FKTN: variants seen among roughly 807,000 people sequenced by gnomAD.
The protein encoded by FKTN is ribitol-5-phosphate transferase FKTN.
A neutral mutation model predicts 58.6 loss-of-function variants in FKTN; 47 were observed. That is an observed-to-expected ratio of 0.80 (90% CI 0.63 to 1.02). The LOEUF (loss-of-function observed/expected upper bound fraction) is 1.02. FKTN is among the 50% of genes least tolerant of loss of function. The pLI is 0.00. For missense variants in FKTN, 516 were observed against 537.3 expected, an observed-to-expected ratio of 0.96 and a Z score of 0.39; for synonymous variants, 178 against 191.9, an observed-to-expected ratio of 0.93 and a Z score of 0.60.
chr9:105,591,499 G>T (rs957609252), intron 3 of FKTN, among the ~76,000 whole-genome samples: 3 of 152,196 alleles, frequency 2.0e-5, no homozygotes, highest in Non-Finnish European at 4.4e-5. Flanking sequence ...CCCAAAATTT[G>T]ACTCCATGTC....
intron 10 of FKTN, among the ~76,000 whole-genome samples, chr9:105,633,972 C>T (rs758142188): frequency 3.9e-5 from 6 of 152,140 alleles, no homozygotes; most frequent in Non-Finnish European, 8.8e-5. Context: ...GTTCTTCCCA[C>T]ACTGAAACAC....
rs907545314 is a variant in FKTN at position 105,640,436 on chromosome 9, C to G, written c.*5172C>G. The G allele has an allele frequency of 9.6e-6, 2 of 208,346 alleles. No individual in the cohort carries two copies. The highest frequency in any genetic ancestry group is 4.6e-5 in the African/African-American group (2 of 43,372). 12.9% of individuals were successfully genotyped at this position (208,346 alleles called of 1,614,324 possible). The stretch of plus-strand genomic sequence containing the variant: ...GGCATGGTGGTGCACGCCTATAGTC[C>G]CAGCTACACAGGAGGCTGAGGCAGG... On this transcript the variant is annotated 3_prime_UTR_variant, in exon 11 of 11. Transcript: ENST00000357998.
At position 105,640,874 on chromosome 9, in the gene FKTN, T is replaced by C. The variant is rs1834376356; in HGVS notation, c.*5610T>C. 1 of 152,232 alleles carries C rather than the reference T, an allele frequency of 6.6e-6. No homozygotes were observed. Among genetic ancestry groups the C allele is most frequent in the Admixed American group, 6.5e-5 (1 of 15,288 alleles). 9.4% of individuals were successfully genotyped at this position (152,232 alleles called of 1,614,324 possible). Reference sequence around the variant, plus strand: ...TCATATGTTTGTTAAATGAAAATCTTATGTAGCTATTTGTGTGTCCCTCCC... The same window carrying C: ...TCATATGTTTGTTAAATGAAAATCTCATGTAGCTATTTGTGTGTCCCTCCC... On this transcript the variant is annotated 3_prime_UTR_variant, in exon 11 of 11. Transcript: ENST00000357998.
At position 105,637,629 on chromosome 9, in the gene FKTN, A is replaced by C. The variant is rs1440444772; in HGVS notation, c.*2365A>C. 33 of 985,380 alleles carry C rather than the reference A, an allele frequency of 3.3e-5. No individual in the cohort carries two copies. The highest frequency in any genetic ancestry group is 4.7e-5 in the South Asian group (1 of 21,282). The allele number at this position is 985,380 out of a possible 1,614,324, so 61.0% of individuals were successfully genotyped here. ...TGGATCACTTTTCTTTCATCACTTG[A>C]GTATTCTAGCAGTCATTCTCCTAAT... On this transcript the variant is annotated 3_prime_UTR_variant, in exon 11 of 11. Coordinates refer to ENST00000357998, the MANE Select transcript of FKTN (RefSeq NM_001079802.2).
rs567857410 is a variant in FKTN, at chr9:105,589,489, G to A, written c.106-7109G>A. On this transcript the variant is annotated intron_variant, in intron 3 of 10. Transcript: ENST00000357998. ...TGCACTCCAGCCTGGGTGACAGAAT[G>A]AGACTCCATCTCAAAAAAAAACTGG... is the stretch of plus-strand genomic sequence containing the variant. 9.1e-4 allele frequency among the ~76,000 whole-genome samples: 137 copies of A among 150,004 alleles called. 3 individuals are homozygous for A. The highest frequency in any genetic ancestry group is 3.3e-4 in the Admixed American group (5 of 15,072).
At chr9:105,600,439 C>T (rs1827668703) in intron 4 of FKTN, among the ~76,000 whole-genome samples, 1 of 152,094 alleles carries the variant, frequency 6.6e-6, no homozygotes, top group East Asian at 1.9e-4. Context: ...TTTATCCTTG[C>T]TGTTCTTAGA....
At chr9:105,632,574 G>C (rs1192951847) in intron 10 of FKTN, among the ~76,000 whole-genome samples, 1 of 151,932 alleles carries the variant, frequency 6.6e-6, no homozygotes, top group African/African-American at 2.4e-5. Flanking sequence ...TCATTTAGCA[G>C]TTGTATTCAT....
At chr9:105,617,854 C>T in intron 8 of FKTN, 105 bp from the exon 9 acceptor site, 1 of 779,484 alleles carries the variant, frequency 1.3e-6, no homozygotes, top group East Asian at 2.7e-5. Context: ...GACTCTGTCT[C>T]TTTAAAAAAA....
chr9:105,568,976 C>T (rs903965692), intron 1 of FKTN, among the ~76,000 whole-genome samples: 6 of 152,162 alleles, frequency 3.9e-5, no homozygotes, highest in African/African-American at 1.4e-4. Context: ...AGGATGAGTT[C>T]ATGTCCTTTG....
At chr9:105,605,648 A>G (rs112561295) in intron 6 of FKTN, among the ~76,000 whole-genome samples, 4 of 152,262 alleles carry the variant, frequency 2.6e-5, no homozygotes, top group African/African-American at 9.6e-5. Context: ...CAGAAAGACA[A>G]ACTTTCCATG....
intron 3 of FKTN, among the ~76,000 whole-genome samples, chr9:105,579,113 C>T (rs1478666165): frequency 6.6e-6 from 1 of 152,076 alleles, no homozygotes; most frequent in Non-Finnish European, 1.5e-5. Flanking sequence ...TTTCAAAAAA[C>T]CAGCTCCTGG....
At chr9:105,559,371 T>C (rs1027750124) in intron 1 of FKTN, among the ~76,000 whole-genome samples, 2 of 152,158 alleles carry the variant, frequency 1.3e-5, no homozygotes, top group Non-Finnish European at 2.9e-5. Context: ...AGGACGATAG[T>C]TGACAGAGAA....
chr9:105,569,168 T>C (rs1303790841), intron 1 of FKTN, among the ~76,000 whole-genome samples: 1 of 152,084 alleles, frequency 6.6e-6, no homozygotes, highest in Non-Finnish European at 1.5e-5. Flanking sequence ...AGGCGTAGCA[T>C]TGGTAGATAT....
chr9:105,619,972 T>G lies in FKTN; in HGVS notation c.1083T>G (p.Asp361Glu). The change falls in exon 10 of 11, where the codon GAT becomes GAG. Residue 361 changes from aspartate to glutamate, a missense_variant. Asp to Glu is a conservative substitution (Grantham distance 45, BLOSUM62 2). Coordinates refer to ENST00000357998, the MANE Select transcript of FKTN (RefSeq NM_001079802.2). Reference protein sequence around the residue: ...DSLELSFQGKDDVKLDVFFFY... With the variant: ...DSLELSFQGKEDVKLDVFFFY... ...TGGAACTATCCTTCCAGGGAAAAGA[T>G]GATGTAAAACTTGATGTTTTTTTCT... 1 of 1,612,840 alleles carries G rather than the reference T, an allele frequency of 6.2e-7. No individual in the cohort carries two copies. The highest frequency in any genetic ancestry group is 2.2e-5 in the East Asian group (1 of 44,798).
intron 1 of FKTN, among the ~76,000 whole-genome samples, chr9:105,564,524 G>A (rs1311277427): frequency 2.0e-5 from 3 of 152,190 alleles, no homozygotes; most frequent in Admixed American, 6.5e-5. Context: ...TAGCCGATTT[G>A]ATCAACTGGA....
At chr9:105,627,254 G>A (rs983398406) in intron 10 of FKTN, among the ~76,000 whole-genome samples, 1 of 152,092 alleles carries the variant, frequency 6.6e-6, no homozygotes, top group African/African-American at 2.4e-5. Context: ...ATACAGGCAT[G>A]AGCTGCCATG....
chr9:105,626,269 A>C (rs901942594), intron 10 of FKTN, among the ~76,000 whole-genome samples: 2 of 152,162 alleles, frequency 1.3e-5, no homozygotes, highest in African/African-American at 2.4e-5. Flanking sequence ...AAAATACCAT[A>C]AACTGGGTGG....
rs1246239412 is a variant in FKTN at position 105,619,929 on chromosome 9, C to T, written c.1045-5C>T. On this transcript the variant is annotated splice_region_variant and splice_polypyrimidine_tract_variant and intron_variant, in intron 9 of 10. Transcript: ENST00000357998. ...AGTGTGTGAAGGTTTTCATCTTCCC[C>T]ATAGGTAGAAGACAGCTTGGAACTA... 4 of 1,610,702 alleles carry T rather than the reference C, an allele frequency of 2.5e-6. No homozygotes were observed. In the South Asian group the frequency reaches 4.4e-5, roughly 18 times the overall value.
intron 3 of FKTN, among the ~76,000 whole-genome samples, chr9:105,582,835 A>C (rs535536351): frequency 1.3e-5 from 2 of 152,202 alleles, no homozygotes; most frequent in Non-Finnish European, 2.9e-5. Context: ...ATATCTTTTC[A>C]TAAATAGGAA....
Sources: gnomAD v4.1 joint callset for allele counts (sites outside exome capture counted in the v4.1 genomes callset) on GRCh38, gnomAD v4.1.1 for gene constraint, MANE v1.5 for transcripts, NCBI Gene and HGNC (gene_info 2026-07-23, HGNC 2026-07-21) for gene names.